Variants in PPP2R2C observed in about 807,000 individuals in gnomAD.
PPP2R2C encodes protein phosphatase 2 regulatory subunit Bgamma, also known as protein phosphatase 2, regulatory subunit B, gamma.
Under a neutral mutation model 45.3 loss-of-function variants are expected in PPP2R2C, and 10 were observed. The ratio of observed to expected loss-of-function variants is 0.22; its 90% CI spans 0.14 to 0.37. The LOEUF (loss-of-function observed/expected upper bound fraction) is 0.37. Among genes scored for constraint, PPP2R2C ranks in the 10% least tolerant of loss-of-function variants. PPP2R2C has a pLI of 1.00. For synonymous variants in PPP2R2C, 257 were observed against 245.4 expected (o/e 1.05, Z -0.44); for missense variants, 308 against 619.7 (o/e 0.50, Z 5.34).
chr4:6,412,370 C>G (rs1481762176), intron 1 of PPP2R2C, among the ~76,000 whole-genome samples: 1 of 152,184 alleles, frequency 6.6e-6, no homozygotes, highest in Non-Finnish European at 1.5e-5. Flanking sequence ...GGAGCCCCTG[C>G]CCTCATTTCA....
At chr4:6,561,950 G>A (rs537320471) in intron 1 of PPP2R2C, among the ~76,000 whole-genome samples, 3 of 152,202 alleles carry the variant, frequency 2.0e-5, no homozygotes, top group African/African-American at 7.2e-5. Context: ...GAGAAGCTGC[G>A]ATTTGCCAAG....
In PPP2R2C at chr4:6,348,713, C is replaced by T. The variant is rs10035042; in HGVS notation, c.626-703G>A. 3.7e-3 allele frequency: 3,630 copies of T among 985,304 alleles called. 91 individuals are homozygous for T. The African/African-American group carries it at 0.054, about 15-fold the overall frequency. The allele number at this position is 985,304 out of a possible 1,614,324, so 61.0% of individuals were successfully genotyped here. On this transcript the variant is annotated intron_variant, in intron 5 of 8. Transcript: ENST00000382599. Reference sequence around the variant, plus strand: ...TGGGTGGTGTAGAAAGAAGGAGCTTCTATCTGCTGCCAGGACAAGGAGAAA... The same window carrying T: ...TGGGTGGTGTAGAAAGAAGGAGCTTTTATCTGCTGCCAGGACAAGGAGAAA...
chr4:6,432,627 A>G (rs1719682504), intron 1 of PPP2R2C, among the ~76,000 whole-genome samples: 1 of 152,224 alleles, frequency 6.6e-6, no homozygotes, highest in Non-Finnish European at 1.5e-5. Context: ...GTCACCCCCA[A>G]GGGCTTCTGG....
In PPP2R2C at chr4:6,355,626, G is replaced by C. The variant is rs568870267; in HGVS notation, c.626-7616C>G. On this transcript the variant is annotated intron_variant, in intron 5 of 8. Transcript: ENST00000382599. Reference sequence around the variant, plus strand: ...GGTTTTTTAGGAGTGGATCGTCACTGACAAAGGCCATTCAAAGGAGCCGTC... The same window carrying C: ...GGTTTTTTAGGAGTGGATCGTCACTCACAAAGGCCATTCAAAGGAGCCGTC... Among the ~76,000 whole-genome samples the C allele has an allele frequency of 2.5e-3, 375 of 151,608 alleles. 2 individuals carry two copies. The highest frequency in any genetic ancestry group is 8.2e-3 in the African/African-American group (340 of 41,276).
intron 1 of PPP2R2C, among the ~76,000 whole-genome samples, chr4:6,400,350 C>CA (rs35519122): frequency 0.28 from 41,889 of 151,790 alleles, 6,552 homozygotes; most frequent in East Asian, 0.71. Flanking sequence ...AGTTATTTTC[C>CA]AAAAAAAATA....
chr4:6,516,477 C>T (rs1000518483), intron 2 of PPP2R2C, among the ~76,000 whole-genome samples: 4 of 152,206 alleles, frequency 2.6e-5, no homozygotes, highest in South Asian at 2.1e-4. Context: ...ACTCCCCATC[C>T]GCAGGGCCTG....
chr4:6,370,004 T>G (rs1714669225), intron 5 of PPP2R2C, among the ~76,000 whole-genome samples: 1 of 152,146 alleles, frequency 6.6e-6, no homozygotes, highest in Non-Finnish European at 1.5e-5. Flanking sequence ...TTAGAAAGGG[T>G]TTCGGCATCC....
intron 1 of PPP2R2C, among the ~76,000 whole-genome samples, chr4:6,443,261 A>G (rs1720243681): frequency 6.6e-6 from 1 of 152,072 alleles, no homozygotes; most frequent in Non-Finnish European, 1.5e-5. Flanking sequence ...GGCCCCATCA[A>G]CCTTAATAGG....
intron 1 of PPP2R2C, among the ~76,000 whole-genome samples, chr4:6,444,981 T>C (rs1720341996): frequency 1.3e-5 from 2 of 152,046 alleles, no homozygotes; most frequent in African/African-American, 4.8e-5. Flanking sequence ...GCCTAGGGGT[T>C]CCAGATCAGT....
At chr4:6,418,193 GGA>G (rs1185337864) in intron 1 of PPP2R2C, among the ~76,000 whole-genome samples, 7 of 152,178 alleles carry the variant, frequency 4.6e-5, no homozygotes, top group Non-Finnish European at 1.0e-4. Context: ...TGCTCTGCAA[GGA>G]GAGTGGTCTT....
In PPP2R2C at chr4:6,414,716, C is replaced by G. The variant is rs1718451775; in HGVS notation, c.71-33622G>C. Reference sequence around the variant, plus strand: ...GGGCTCCTAATGTATCCACGAGGCCCTGGGCTGGATGGAGGGAGGAACAGG... The same window carrying G: ...GGGCTCCTAATGTATCCACGAGGCCGTGGGCTGGATGGAGGGAGGAACAGG... On this transcript the variant is annotated intron_variant, in intron 1 of 8. Transcript: ENST00000382599. Among the ~76,000 whole-genome samples the G allele has an allele frequency of 3.3e-5, 5 of 152,006 alleles. No homozygotes were observed. In the South Asian group the frequency reaches 1.0e-3, roughly 32 times the overall value.
At chr4:6,510,997 AC>A (rs58188018) in intron 2 of PPP2R2C, among the ~76,000 whole-genome samples, 73,262 of 132,750 alleles carry the variant, frequency 0.55, 22,481 homozygotes, top group Non-Finnish European at 0.68. Flanking sequence ...AAACAAACAA[AC>A]AAAAAAAAAA....
intron 1 of PPP2R2C, among the ~76,000 whole-genome samples, chr4:6,460,575 C>T (rs903952532): frequency 1.3e-5 from 2 of 152,034 alleles, no homozygotes; most frequent in East Asian, 1.9e-4. Flanking sequence ...TTAAAGATTA[C>T]AAAATAGGAT....
At chr4:6,561,280 CA>C (rs1263228927) in intron 1 of PPP2R2C, among the ~76,000 whole-genome samples, 2 of 152,324 alleles carry the variant, frequency 1.3e-5, no homozygotes, top group African/African-American at 4.8e-5. Context: ...ACTCACCCTG[CA>C]AGCATCCCCA....
At chr4:6,468,889 TC>T (rs1435540073) in intron 1 of PPP2R2C, among the ~76,000 whole-genome samples, 1 of 151,668 alleles carries the variant, frequency 6.6e-6, no homozygotes, top group Non-Finnish European at 1.5e-5. Context: ...GATGGAGACT[TC>T]CTAGCACCCT....
At chr4:6,549,789 A>C (rs1725119270) in intron 1 of PPP2R2C, among the ~76,000 whole-genome samples, 1 of 152,212 alleles carries the variant, frequency 6.6e-6, no homozygotes, top group Admixed American at 6.5e-5. Context: ...CCTGGCACAC[A>C]GTAGGCACTT....
chr4:6,523,974 C>T (rs1034690147), intron 2 of PPP2R2C, among the ~76,000 whole-genome samples: 4 of 152,130 alleles, frequency 2.6e-5, no homozygotes, highest in South Asian at 2.1e-4. Context: ...AGTGCAATGG[C>T]GTGATCTCGG....
intron 1 of PPP2R2C, among the ~76,000 whole-genome samples, chr4:6,411,511 A>G (rs574390299): frequency 2.6e-5 from 4 of 150,970 alleles, no homozygotes; most frequent in African/African-American, 9.7e-5. Context: ...GTGCCTCTTA[A>G]GTTCTCTAAT....
chr4:6,400,501 G>T (rs73206147), intron 1 of PPP2R2C, among the ~76,000 whole-genome samples: 26,799 of 152,142 alleles, frequency 0.18, 2,695 homozygotes, highest in South Asian at 0.29. Flanking sequence ...CTCTTTGGGA[G>T]CCACAATAAT....
Sources: gnomAD v4.1 joint callset for allele counts (sites outside exome capture counted in the v4.1 genomes callset) on GRCh38, gnomAD v4.1.1 for gene constraint, MANE v1.5 for transcripts, NCBI Gene and HGNC (gene_info 2026-07-23, HGNC 2026-07-21) for gene names.